ADAM10: variants seen among roughly 807,000 people sequenced by gnomAD.
ADAM10 encodes ADAM metallopeptidase domain 10.
A neutral mutation model predicts 90.1 loss-of-function variants in ADAM10; 17 were observed. That is an observed-to-expected ratio of 0.19 (90% confidence interval 0.13 to 0.28). ADAM10 has a LOEUF of 0.28. ADAM10 is among the 10% of genes least tolerant of loss of function. The pLI is 1.00. For missense variants in ADAM10, 610 were observed against 914.3 expected (o/e 0.67, Z 4.29); for synonymous variants, 310 against 298.6 (o/e 1.04, Z -0.40).
In ADAM10 at chr15:58,600,321, A is replaced by C. The variant is rs144514944; in HGVS notation, c.2026-597T>G. ...CATGTAACTTGCTTTAAATTCTACT[A>C]GTGAATAGATTTAAAAATTACTCTT... On this transcript the variant is annotated intron_variant, in intron 14 of 15. Transcript: ENST00000260408. Among the ~76,000 whole-genome samples, 162 of 152,296 alleles carry C rather than the reference A, an allele frequency of 1.1e-3. 2 individuals carry two copies. Among genetic ancestry groups the C allele is most frequent in the Non-Finnish European group, 2.0e-3 (133 of 68,014 alleles).
rs762043122 is a variant in ADAM10 at position 58,627,990 on chromosome 15, C to A, written c.1177-107G>T. The stretch of plus-strand genomic sequence containing the variant: ...CAGGAAAACAATGGAAGCTTGTGGA[C>A]TCTCCTTTAAAAAGGATCTTACAAT... On this transcript the variant is annotated intron_variant, in intron 9 of 15. Transcript: ENST00000260408. 1.1e-4 allele frequency: 128 copies of A among 1,125,890 alleles called. 1 individual carries two copies. The highest frequency in any genetic ancestry group is 1.2e-4 in the Non-Finnish European group (95 of 774,100). 69.7% of individuals were successfully genotyped at this position (1,125,890 alleles called of 1,614,324 possible).
chr15:58,694,215 C>A (rs1050364138), intron 2 of ADAM10, among the ~76,000 whole-genome samples: 3 of 152,056 alleles, frequency 2.0e-5, no homozygotes, highest in Non-Finnish European at 4.4e-5. Flanking sequence ...TCTGGGAGGC[C>A]GAGACAGGCA....
At chr15:58,599,252 T>A (rs1012943639) in intron 15 of ADAM10, among the ~76,000 whole-genome samples, 2 of 150,592 alleles carry the variant, frequency 1.3e-5, no homozygotes, top group South Asian at 2.1e-4. Flanking sequence ...ACTATTAGAA[T>A]AGAAAGATCA....
chr15:58,610,314 T>G lies in ADAM10; in HGVS notation c.2008A>C (p.Ile670Leu). The G allele has an allele frequency of 1.2e-6, 2 of 1,614,150 alleles. No individual in the cohort carries two copies. Among genetic ancestry groups the G allele is most frequent in the Non-Finnish European group, 1.7e-6 (2 of 1,179,954 alleles). Residue 670 changes from isoleucine to leucine, a missense_variant, in exon 14 of 16, where the codon ATT (isoleucine) becomes CTT (leucine). By Grantham distance (5) the Ile-to-Leu change is conservative. Around this residue, in one of 4 missense-constraint regions of ADAM10, gnomAD observed 150 missense variants for 268.5 expected, o/e 0.56. Coordinates refer to ENST00000260408, the MANE Select transcript of ADAM10 (RefSeq NM_001110.4). The part of the protein sequence containing the change: ...AIFSPELYEN[I>L]AEWIVAHWWA... ...ATACTTACCACAATCCATTCAGCAA[T>G]GTTTTCATAGAGCTCTGGACTAAAA...
intron 2 of ADAM10, among the ~76,000 whole-genome samples, chr15:58,713,552 T>C (rs964735932): frequency 6.6e-6 from 1 of 152,234 alleles, no homozygotes; most frequent in Non-Finnish European, 1.5e-5. Context: ...AACTGACATA[T>C]ATACAGCATT....
intron 11 of ADAM10, among the ~76,000 whole-genome samples, chr15:58,615,707 G>A (rs1311635636): frequency 6.6e-6 from 1 of 152,124 alleles, no homozygotes; most frequent in Non-Finnish European, 1.5e-5. Context: ...CAGATTTTAA[G>A]TCAAAAACTG....
intron 2 of ADAM10, among the ~76,000 whole-genome samples, chr15:58,710,076 G>C (rs1025249542): frequency 1.3e-5 from 2 of 151,990 alleles, no homozygotes; most frequent in African/African-American, 2.4e-5. Flanking sequence ...TTAGGAGATC[G>C]AGACCATCCC....
chr15:58,749,443 G>A (rs2140859781), intron 1 of ADAM10, 37 bp downstream of exon 1: 6 of 1,521,018 alleles, frequency 3.9e-6, no homozygotes, highest in Non-Finnish European at 4.4e-6. Context: ...GCTCCGCCGT[G>A]GTCGCGGCGC....
intron 8 of ADAM10, among the ~76,000 whole-genome samples, chr15:58,638,280 G>C (rs1596016488): frequency 6.6e-6 from 1 of 152,122 alleles, no homozygotes; most frequent in Non-Finnish European, 1.5e-5. Flanking sequence ...GACAACGGGA[G>C]TCTTCGTTTT....
chr15:58,635,724 G>A (rs1181811716), intron 8 of ADAM10, among the ~76,000 whole-genome samples: 2 of 151,390 alleles, frequency 1.3e-5, no homozygotes. Context: ...TGTGCAAATT[G>A]GTCCAATGCA....
In ADAM10 at chr15:58,596,951, C is replaced by G. The variant is rs757599588; in HGVS notation, c.*596G>C. ...TCCTGGACCACTGAATACCACCATT[C>G]TCTGTTATCCTGAGTATGTCAATTA... On this transcript the variant is annotated 3_prime_UTR_variant, in exon 16 of 16. Coordinates refer to ENST00000260408, the MANE Select transcript of ADAM10 (RefSeq NM_001110.4). 1.3e-5 allele frequency: 2 copies of G among 159,926 alleles called. No homozygotes were observed. The highest frequency in any genetic ancestry group is 4.8e-5 in the African/African-American group (2 of 41,474). 9.9% of individuals were successfully genotyped at this position (159,926 alleles called of 1,614,324 possible).
At chr15:58,694,586 A>C (rs1282003368) in intron 2 of ADAM10, among the ~76,000 whole-genome samples, 1 of 152,168 alleles carries the variant, frequency 6.6e-6, no homozygotes, top group Admixed American at 6.5e-5. Flanking sequence ...AATTCTACTC[A>C]AGAAAAAAGA....
chr15:58,639,324 T>C (rs1483417166), intron 8 of ADAM10, among the ~76,000 whole-genome samples: 1 of 152,234 alleles, frequency 6.6e-6, no homozygotes, highest in Non-Finnish European at 1.5e-5. Flanking sequence ...TGCTAGTCCA[T>C]GGATCACACT....
chr15:58,643,812 C>G, intron 7 of ADAM10, 74 bp downstream of exon 7: 1 of 1,158,380 alleles, frequency 8.6e-7, no homozygotes, highest in East Asian at 2.3e-5. Context: ...TAAAAGCAAG[C>G]TTTTGTGTGT....
At chr15:58,599,036 A>G (rs919085371) in intron 15 of ADAM10, among the ~76,000 whole-genome samples, 3 of 152,168 alleles carry the variant, frequency 2.0e-5, no homozygotes, top group South Asian at 2.1e-4. Flanking sequence ...ACTAAAAACG[A>G]TAAGAGAGCT....
chr15:58,741,761 A>AG (rs199530733), intron 1 of ADAM10, among the ~76,000 whole-genome samples: 2,097 of 152,194 alleles, frequency 0.014, 29 homozygotes, highest in Non-Finnish European at 0.019. Flanking sequence ...GATCATTCTA[A>AG]TCCAAGACTC....
chr15:58,643,818 T>C lies in ADAM10; in HGVS notation c.828+68A>G, dbSNP rs1316561856. The C allele has an allele frequency of 6.0e-6, 7 of 1,171,548 alleles. No homozygotes were observed. In the Admixed American group the frequency reaches 1.2e-4, roughly 20 times the overall value. 72.6% of individuals were successfully genotyped at this position (1,171,548 alleles called of 1,614,324 possible). On this transcript the variant is annotated intron_variant, in intron 7 of 15. Transcript: ENST00000260408. ...AGATAAAATTAAAAGCAAGCTTTTG[T>C]GTGTGTGTGTAAACATAGTCTGGAC...
intron 2 of ADAM10, among the ~76,000 whole-genome samples, chr15:58,683,734 C>A (rs1566993322): frequency 1.3e-5 from 2 of 151,850 alleles, no homozygotes; most frequent in African/African-American, 4.8e-5. Context: ...GTGGCTTGCA[C>A]CTCTAGTCCC....
rs71890478 is a variant in ADAM10 at position 58,741,329 on chromosome 15, G to GA, written c.55+8150dup. Among the ~76,000 whole-genome samples, 5 of 151,430 alleles carry GA rather than the reference G, an allele frequency of 3.3e-5. No homozygotes were observed. The East Asian group carries it at 9.7e-4, about 29-fold the overall frequency. ...AATAGCCTAATTCCAACTTAAGTAAGAAAAAAAAGTGTTAGTATATCTTTA... is the reference window on the plus strand; with the variant it reads ...AATAGCCTAATTCCAACTTAAGTAAGAAAAAAAAAGTGTTAGTATATCTTTA... On this transcript the variant is annotated intron_variant, in intron 1 of 15. Transcript: ENST00000260408.
Sources: gnomAD v4.1 joint callset for allele counts (sites outside exome capture counted in the v4.1 genomes callset) on GRCh38, gnomAD v4.1.1 for gene constraint, gnomAD v4.1.1 regional missense constraint, MANE v1.5 for transcripts, NCBI Gene and HGNC (gene_info 2026-07-23, HGNC 2026-07-21) for gene names.